Variants in CTNNBIP1 observed in about 807,000 individuals in gnomAD.
The protein encoded by CTNNBIP1 is beta-catenin-interacting protein 1.
CTNNBIP1 carries 7 observed loss-of-function variants against 11.8 expected under a neutral mutation model. The observed-to-expected ratio is 0.60, with a 90% CI of 0.34 to 1.12. The LOEUF (loss-of-function observed/expected upper bound fraction) is 1.12. Ranked by LOEUF, CTNNBIP1 falls within the 50% of genes most tolerant of loss-of-function variation. The pLI is 0.03. For synonymous variants in CTNNBIP1, 58 were observed against 43.9 expected, an observed-to-expected ratio of 1.32 and a Z score of -1.26; for missense variants, 101 against 113.4, an observed-to-expected ratio of 0.89 and a Z score of 0.50.
At chr1:9,896,309 G>C (rs544079651) in intron 1 of CTNNBIP1, among the ~76,000 whole-genome samples, 2 of 152,292 alleles carry the variant, frequency 1.3e-5, no homozygotes, top group South Asian at 4.1e-4. Context: ...TGATACCTTG[G>C]ATATGGATCA....
chr1:9,853,003 C>A (rs150587759), intron 5 of CTNNBIP1, among the ~76,000 whole-genome samples: 10 of 152,332 alleles, frequency 6.6e-5, no homozygotes, highest in African/African-American at 2.2e-4. Context: ...AAGTAATCTT[C>A]TCCAGGTCAC....
Position 9,851,342 on chromosome 1 carries a change from C to G in CTNNBIP1, c.188-566G>C, listed in dbSNP as rs1557741507. 6.6e-6 allele frequency among the ~76,000 whole-genome samples: 1 copy of G among 152,050 alleles called. No homozygotes were observed. Among genetic ancestry groups the G allele is most frequent in the African/African-American group, 2.4e-5 (1 of 41,362 alleles). ...GACTGAGACAGATATGCCCACAATC[C>G]TTCTTTTTCTTTTTCTTTTTCCTTT... On this transcript the variant is annotated intron_variant, in intron 5 of 5. Transcript: ENST00000377263. The surrounding 1 kb of genome is among the most constrained non-coding windows in gnomAD (Gnocchi z 4.8).
At chr1:9,889,316 C>T (rs1341783627) in intron 1 of CTNNBIP1, among the ~76,000 whole-genome samples, 5 of 152,214 alleles carry the variant, frequency 3.3e-5, no homozygotes, top group Non-Finnish European at 5.9e-5. Context: ...GTGGCAATAT[C>T]TAGAGACATT....
intron 5 of CTNNBIP1, among the ~76,000 whole-genome samples, chr1:9,869,827 C>G (rs1570571730): frequency 6.6e-6 from 1 of 152,294 alleles, no homozygotes; most frequent in Non-Finnish European, 1.5e-5. Context: ...GAGTCAGAAG[C>G]CATGGTAGAG....
intron 1 of CTNNBIP1, among the ~76,000 whole-genome samples, chr1:9,894,884 G>A (rs943804627): frequency 4.1e-4 from 62 of 149,466 alleles, no homozygotes; most frequent in South Asian, 6.4e-4. Flanking sequence ...AGGATCACAA[G>A]TGTGACTGCC....
chr1:9,855,255 C>CT (rs35112494), intron 5 of CTNNBIP1, among the ~76,000 whole-genome samples: 25,001 of 127,262 alleles, frequency 0.2, 2,708 homozygotes, highest in South Asian at 0.21. Context: ...TAAAAATTGC[C>CT]TTTTTTTTTT....
intron 1 of CTNNBIP1, among the ~76,000 whole-genome samples, chr1:9,909,884 G>A (rs1266598587): frequency 6.6e-6 from 1 of 152,184 alleles, no homozygotes; most frequent in Non-Finnish European, 1.5e-5. Context: ...CCCGGGCGAA[G>A]AGTCAGGGAG....
intron 1 of CTNNBIP1, among the ~76,000 whole-genome samples, chr1:9,889,995 T>A (rs1367346637): frequency 6.6e-6 from 1 of 152,174 alleles, no homozygotes; most frequent in Non-Finnish European, 1.5e-5. Flanking sequence ...CCCCCCAGCC[T>A]TTGCATGGCC....
At chr1:9,875,022 G>C (rs541312783) in intron 3 of CTNNBIP1, among the ~76,000 whole-genome samples, 2 of 152,236 alleles carry the variant, frequency 1.3e-5, no homozygotes, top group African/African-American at 2.4e-5. Context: ...TGAGAGACAG[G>C]GTGAAATACA....
At position 9,883,923 on chromosome 1, in the gene CTNNBIP1, T is replaced by C. The variant is rs914097383; in HGVS notation, c.-143-185A>G. ...TCAGGGGAGGTCACCACCCAAACAG[T>C]CAAGGAGGAAGAAGGTGGGGGAACG... is the stretch of plus-strand genomic sequence containing the variant. On this transcript the variant is annotated intron_variant, in intron 1 of 5. Coordinates refer to ENST00000377263, the MANE Select transcript of CTNNBIP1 (RefSeq NM_020248.3). This position sits in a 1 kb window ranked among gnomAD's most constrained non-coding sequence, Gnocchi z 5.6. Among the ~76,000 whole-genome samples the C allele has an allele frequency of 1.4e-4, 21 of 151,424 alleles. No homozygotes were observed. The highest frequency in any genetic ancestry group is 4.9e-4 in the African/African-American group (20 of 41,216).
At chr1:9,896,411 G>A (rs1639408927) in intron 1 of CTNNBIP1, among the ~76,000 whole-genome samples, 1 of 152,160 alleles carries the variant, frequency 6.6e-6, no homozygotes, top group African/African-American at 2.4e-5. Flanking sequence ...ATGAAACCTA[G>A]AAGTCAGCCG....
intron 1 of CTNNBIP1, among the ~76,000 whole-genome samples, chr1:9,888,051 T>C (rs889987121): frequency 2.6e-5 from 4 of 151,728 alleles, no homozygotes; most frequent in Admixed American, 1.3e-4. Context: ...CTTGAAATCC[T>C]AACCTCAAGT....
rs536908732 is a variant in CTNNBIP1, at chr1:9,854,304, G to A, written c.188-3528C>T. On this transcript the variant is annotated intron_variant, in intron 5 of 5. Transcript: ENST00000377263. ...AATCGCTTGAACCTGGGAGGTGGAGGTTGCAGTGAGCTGAGATCGCGCCAT... is the reference window on the plus strand; with the variant it reads ...AATCGCTTGAACCTGGGAGGTGGAGATTGCAGTGAGCTGAGATCGCGCCAT... Among the ~76,000 whole-genome samples, 7 of 148,160 alleles carry A rather than the reference G, an allele frequency of 4.7e-5. No homozygotes were observed. The East Asian group carries it at 1.4e-3, about 30-fold the overall frequency.
At chr1:9,858,339 T>C (rs1225436647) in intron 5 of CTNNBIP1, among the ~76,000 whole-genome samples, 2 of 152,124 alleles carry the variant, frequency 1.3e-5, no homozygotes, top group Admixed American at 1.3e-4. Context: ...CTGCTCATCA[T>C]ACTCAAGGCC....
At chr1:9,859,663 G>T (rs2101447419) in intron 5 of CTNNBIP1, among the ~76,000 whole-genome samples, 2 of 152,354 alleles carry the variant, frequency 1.3e-5, no homozygotes, top group South Asian at 4.1e-4. Context: ...GGCTGCTATT[G>T]GCCCTGCAGG....
At position 9,872,288 on chromosome 1, in the gene CTNNBIP1, T is replaced by G. The variant is rs758594124; in HGVS notation, c.-24-200A>C. Among the ~76,000 whole-genome samples, 4 of 152,222 alleles carry G rather than the reference T, an allele frequency of 2.6e-5. No homozygotes were observed. The highest frequency in any genetic ancestry group is 4.4e-5 in the Non-Finnish European group (3 of 68,038). On this transcript the variant is annotated intron_variant, in intron 3 of 5. Coordinates refer to ENST00000377263, the MANE Select transcript of CTNNBIP1 (RefSeq NM_020248.3). This position sits in a 1 kb window ranked among gnomAD's most constrained non-coding sequence, Gnocchi z 4.0. Reference sequence around the variant, plus strand: ...CCCAGCAGGCTGAACTGAGCAGCTCTGTTCTCCAGCAGGCGCTGCAAGGGC... The same window carrying G: ...CCCAGCAGGCTGAACTGAGCAGCTCGGTTCTCCAGCAGGCGCTGCAAGGGC...
intron 5 of CTNNBIP1, among the ~76,000 whole-genome samples, chr1:9,870,238 A>G (rs1007235490): frequency 3.3e-5 from 5 of 152,280 alleles, no homozygotes; most frequent in African/African-American, 1.2e-4. Context: ...GCGTCTGGAC[A>G]TGCCACAGGT....
At chr1:9,892,862 A>G (rs1023118211) in intron 1 of CTNNBIP1, 2 of 152,126 alleles carry the variant, frequency 1.3e-5, no homozygotes, top group African/African-American at 4.8e-5. Flanking sequence ...AACATAATCC[A>G]AGGAAGGAGG....
At chr1:9,902,114 T>C (rs1457486599) in intron 1 of CTNNBIP1, among the ~76,000 whole-genome samples, 1 of 152,042 alleles carries the variant, frequency 6.6e-6, no homozygotes, top group Admixed American at 6.6e-5. Context: ...CTAATCTGTA[T>C]ATATTGACCC....
Sources: allele counts gnomAD v4.1 joint callset (sites outside exome capture counted in the v4.1 genomes callset), GRCh38; gene constraint gnomAD v4.1.1; non-coding constraint Gnocchi (gnomAD v3.1); transcripts MANE v1.5; gene names NCBI Gene and HGNC (gene_info 2026-07-23, HGNC 2026-07-21).